The following GAS7 variants were observed in gnomAD, a reference collection of about 807,000 sequenced individuals.
The protein encoded by GAS7 is growth arrest specific 7, also known as growth arrest-specific protein 7.
A neutral mutation model predicts 71.1 loss-of-function variants in GAS7; 28 were observed. That is an observed-to-expected ratio of 0.39 (90% CI 0.29 to 0.54). The LOEUF is 0.54. Among genes scored for constraint, GAS7 ranks in the 20% least tolerant of loss-of-function variants. The pLI, the probability that GAS7 is intolerant of heterozygous loss-of-function variation, is 0.62. For missense variants in GAS7, 436 were observed against 627.8 expected, an observed-to-expected ratio of 0.69 and a Z score of 3.27; for synonymous variants, 258 against 245.8, an observed-to-expected ratio of 1.05 and a Z score of -0.46.
At chr17:10,172,605 T>C (rs1282270726) in intron 1 of GAS7, among the ~76,000 whole-genome samples, 1 of 152,262 alleles carries the variant, frequency 6.6e-6, no homozygotes, top group Non-Finnish European at 1.5e-5. Flanking sequence ...ACTTGACATC[T>C]GACTTTATAG....
intron 1 of GAS7, among the ~76,000 whole-genome samples, chr17:10,046,777 AAAGAAAGAAAGG>A (rs1477586655): frequency 3.4e-4 from 38 of 110,954 alleles, no homozygotes; most frequent in Non-Finnish European, 2.8e-4. Flanking sequence ...GAAGAGAAAG[AAAGAAAGAAAGG>A]AAGGAAGGAA....
intron 1 of GAS7, among the ~76,000 whole-genome samples, chr17:10,167,757 G>A (rs977703294): frequency 3.9e-5 from 6 of 151,984 alleles, no homozygotes; most frequent in Non-Finnish European, 7.4e-5. Context: ...GGAGTGCAGC[G>A]GCACAATCAC....
chr17:9,992,028 T>A lies in GAS7; in HGVS notation c.305-10144A>T, dbSNP rs1357060602. On this transcript the variant is annotated intron_variant, in intron 2 of 13. Transcript: ENST00000432992. ...AATACTGGTGCCCAGACCTCACACC[T>A]GGAGCTTCTGGTTGAGTAGGCTGGG... Among the ~76,000 whole-genome samples the A allele has an allele frequency of 2.6e-5, 4 of 152,124 alleles. No individual in the cohort carries two copies. In the East Asian group the frequency reaches 7.7e-4, roughly 29 times the overall value.
intron 1 of GAS7, among the ~76,000 whole-genome samples, chr17:10,158,490 A>C (rs554993859): frequency 3.2e-4 from 49 of 152,108 alleles, no homozygotes; most frequent in Non-Finnish European, 4.4e-4. Flanking sequence ...CTATAAAAAG[A>C]AAAATAAAAA....
At chr17:9,979,143 CT>C (rs1293442963) in intron 3 of GAS7, among the ~76,000 whole-genome samples, 4 of 152,218 alleles carry the variant, frequency 2.6e-5, no homozygotes, top group African/African-American at 9.6e-5. Context: ...CACAAACGAA[CT>C]GAGTTAAATA....
chr17:10,155,306 G>A (rs764694004), intron 1 of GAS7, among the ~76,000 whole-genome samples: 4 of 147,390 alleles, frequency 2.7e-5, no homozygotes, highest in South Asian at 2.2e-4. Flanking sequence ...GTGAGCCACC[G>A]TGCCCGGCCA....
chr17:10,142,408 G>C (rs1262550049), intron 1 of GAS7, among the ~76,000 whole-genome samples: 1 of 152,104 alleles, frequency 6.6e-6, no homozygotes, highest in East Asian at 1.9e-4. Flanking sequence ...TCACTCTGTT[G>C]ACCAGGCTGG....
In GAS7 at chr17:9,916,857, A is replaced by C; in HGVS notation, c.*371T>G. The C allele has an allele frequency of 2.2e-6, 1 of 445,960 alleles. No homozygotes were observed. Among genetic ancestry groups the C allele is most frequent in the Non-Finnish European group, 4.0e-6 (1 of 252,584 alleles). 27.6% of individuals were successfully genotyped at this position (445,960 alleles called of 1,614,324 possible). A position where few individuals can be genotyped will look rare whatever the true frequency, so the allele number is the denominator to read the frequency against. On this transcript the variant is annotated 3_prime_UTR_variant, in exon 14 of 14. Coordinates refer to ENST00000432992, the MANE Select transcript of GAS7 (RefSeq NM_201433.2). ...ACCCTGATCCTCCAAAGCCCTGGAG[A>C]CAAGGGAGCCAGCTGGAGGAAGAGC...
chr17:9,961,197 C>T (rs1175339360), intron 4 of GAS7, among the ~76,000 whole-genome samples: 1 of 152,332 alleles, frequency 6.6e-6, no homozygotes, highest in East Asian at 1.9e-4. Flanking sequence ...CCAACGTCAA[C>T]TTTATGGCCA....
chr17:9,976,136 T>C (rs1287671903), intron 3 of GAS7, among the ~76,000 whole-genome samples: 1 of 152,260 alleles, frequency 6.6e-6, no homozygotes, highest in Non-Finnish European at 1.5e-5. Flanking sequence ...CTGTCTCTCC[T>C]AGTTGTCTAA....
chr17:9,926,862 C>T lies in GAS7; in HGVS notation c.886-93G>A. The T allele has an allele frequency of 7.3e-7, 1 of 1,369,848 alleles. No homozygotes were observed. 84.9% of individuals were successfully genotyped at this position (1,369,848 alleles called of 1,614,324 possible). ...GGATGGGAGGGGCACCCCCACTTCC[C>T]CAGGCAAGTGAGGATGAGTCTGGGG... is the stretch of plus-strand genomic sequence containing the variant. On this transcript the variant is annotated intron_variant, in intron 9 of 13. Coordinates refer to ENST00000432992, the MANE Select transcript of GAS7 (RefSeq NM_201433.2). This position sits in a 1 kb window ranked among gnomAD's most constrained non-coding sequence, Gnocchi z 5.0.
rs141544907 is a variant in GAS7, at chr17:9,917,799, C to T, written c.1317+202G>A. On this transcript the variant is annotated intron_variant, in intron 13 of 13. Transcript: ENST00000432992. ...CTCACGTGTGTGTCCACTTCATGTG[C>T]CAGGGTCGGAATCACACAGACGTCC... Among the ~76,000 whole-genome samples the T allele has an allele frequency of 5.5e-3, 835 of 152,320 alleles. 6 individuals carry two copies. The highest frequency in any genetic ancestry group is 0.019 in the African/African-American group (796 of 41,556).
intron 7 of GAS7, 94 bp downstream of exon 7, chr17:9,943,027 A>C (rs2066779350): frequency 2.7e-6 from 2 of 749,334 alleles, no homozygotes. Context: ...CTGAGTGTGC[A>C]GTACTGAGTC....
At chr17:10,145,406 G>T (rs577736239) in intron 1 of GAS7, among the ~76,000 whole-genome samples, 2 of 152,364 alleles carry the variant, frequency 1.3e-5, no homozygotes, top group South Asian at 4.1e-4. Flanking sequence ...CAGGCAGTGT[G>T]TAAGACCCGA....
intron 1 of GAS7, among the ~76,000 whole-genome samples, chr17:10,146,938 G>A (rs146782301): frequency 1.2e-3 from 171 of 137,986 alleles, no homozygotes; most frequent in Middle Eastern, 8.3e-3. Flanking sequence ...CTGAGATCGC[G>A]CCAGAGCGAG....
rs1358013927 is a variant in GAS7 at position 9,969,172 on chromosome 17, A to G, written c.471+505T>C. Among the ~76,000 whole-genome samples, 1 of 152,222 alleles carries G rather than the reference A, an allele frequency of 6.6e-6. No homozygotes were observed. Among genetic ancestry groups the G allele is most frequent in the Non-Finnish European group, 1.5e-5 (1 of 68,034 alleles). ...TCACATGTTTGCATAAACATCAAGT[A>G]GGATGGAGACTGAGAAAACAGTTTG... is the stretch of plus-strand genomic sequence containing the variant. On this transcript the variant is annotated intron_variant, in intron 4 of 13. Coordinates refer to ENST00000432992, the MANE Select transcript of GAS7 (RefSeq NM_201433.2). The surrounding 1 kb of genome is among the most constrained non-coding windows in gnomAD (Gnocchi z 5.5).
intron 1 of GAS7, among the ~76,000 whole-genome samples, chr17:10,105,336 C>A (rs941364032): frequency 6.6e-6 from 1 of 152,116 alleles, no homozygotes; most frequent in Non-Finnish European, 1.5e-5. Flanking sequence ...TTCTCCAGCA[C>A]CTGCCTGCAG....
intron 9 of GAS7, among the ~76,000 whole-genome samples, chr17:9,930,686 A>T (rs1597469214): frequency 6.6e-6 from 1 of 152,344 alleles, no homozygotes; most frequent in East Asian, 1.9e-4. Flanking sequence ...TACCCCTGAC[A>T]CAGAGCATTC....
At chr17:10,007,625 CAAAAAAA>C (rs201254619) in intron 2 of GAS7, among the ~76,000 whole-genome samples, 2 of 46,596 alleles carry the variant, frequency 4.3e-5, no homozygotes, top group Non-Finnish European at 9.1e-5. Context: ...GATTCTGTCT[CAAAAAAA>C]AAAAAAAAAA....
Sources: allele counts gnomAD v4.1 joint callset (sites outside exome capture counted in the v4.1 genomes callset), GRCh38; gene constraint gnomAD v4.1.1; non-coding constraint Gnocchi (gnomAD v3.1); transcripts MANE v1.5; gene names NCBI Gene and HGNC (gene_info 2026-07-23, HGNC 2026-07-21).